PACS1: variants seen among roughly 807,000 people sequenced by gnomAD.
PACS1 encodes the protein phosphofurin acidic cluster sorting protein 1, also known as PACS-1.
PACS1 carries 24 observed loss-of-function variants against 115.0 expected under a neutral mutation model. The observed-to-expected ratio is 0.21, with a 90% CI of 0.15 to 0.29. The LOEUF (loss-of-function observed/expected upper bound fraction) is 0.29. Ranked by LOEUF, PACS1 falls within the 10% of genes least tolerant of loss-of-function variation. PACS1 has a pLI of 1.00. For synonymous variants in PACS1, 453 were observed against 504.5 expected, an observed-to-expected ratio of 0.90 and a Z score of 1.37; for missense variants, 838 against 1,251.2, an observed-to-expected ratio of 0.67 and a Z score of 4.98.
chr11:66,231,988 GCTT>G, intron 13 of PACS1, 181 bp from the exon 14 acceptor site: 1 of 566,360 alleles, frequency 1.8e-6, no homozygotes, highest in Non-Finnish European at 3.2e-6. Context: ...TCGCTTTGCT[GCTT>G]CTTTCTCCTC....
Position 66,070,440 on chromosome 11 carries a change from C to A in PACS1, c.-47C>A. 1.8e-6 allele frequency: 2 copies of A among 1,122,816 alleles called. No homozygotes were observed. The highest frequency in any genetic ancestry group is 2.2e-6 in the Non-Finnish European group (2 of 891,630). 69.6% of individuals were successfully genotyped at this position (1,122,816 alleles called of 1,614,324 possible). ...CGCCGCCGCGGGGGAAGCCTGGGAG[C>A]CAGATCGGCGTCGCCTCGGCCTCCG... On this transcript the variant is annotated 5_prime_UTR_variant, in exon 1 of 24. Transcript: ENST00000320580. The surrounding 1 kb of genome is among the most constrained non-coding windows in gnomAD (Gnocchi z 5.9).
At chr11:66,239,818 C>G (rs545149878) in intron 21 of PACS1, among the ~76,000 whole-genome samples, 3 of 152,344 alleles carry the variant, frequency 2.0e-5, no homozygotes, top group South Asian at 2.1e-4. Context: ...TCAATTTCAT[C>G]TAATGAAAAG....
chr11:66,093,466 TA>T (rs1378407713), intron 1 of PACS1, among the ~76,000 whole-genome samples: 4 of 144,752 alleles, frequency 2.8e-5, no homozygotes, highest in Non-Finnish European at 6.0e-5. Context: ...TACATAATGG[TA>T]AAGGGATCAA....
At chr11:66,147,148 A>G (rs1859144541) in intron 1 of PACS1, among the ~76,000 whole-genome samples, 1 of 152,200 alleles carries the variant, frequency 6.6e-6, no homozygotes, top group African/African-American at 2.4e-5. Flanking sequence ...AACAGTATGA[A>G]TGTTTGCTGA....
chr11:66,193,401 TA>T, intron 1 of PACS1, 84 bp from the exon 2 acceptor site: 1 of 869,528 alleles, frequency 1.2e-6, no homozygotes, highest in Non-Finnish European at 1.9e-6. Flanking sequence ...TTACTTCAGG[TA>T]AGGCAGATTG....
chr11:66,152,009 G>T (rs1322029727), intron 1 of PACS1, among the ~76,000 whole-genome samples: 2 of 152,174 alleles, frequency 1.3e-5, no homozygotes, highest in Admixed American at 1.3e-4. Flanking sequence ...AAGGCAGCAG[G>T]ATCACTTGAG....
chr11:66,120,180 C>T (rs896110691), intron 1 of PACS1, among the ~76,000 whole-genome samples: 1 of 144,106 alleles, frequency 6.9e-6, no homozygotes, highest in East Asian at 2.0e-4. Context: ...CAGAGTCTCG[C>T]TCTGTTGCCC....
rs148876437 is a variant in PACS1 at position 66,187,417 on chromosome 11, C to T, written c.357-6069C>T. 6.1e-3 allele frequency among the ~76,000 whole-genome samples: 926 copies of T among 152,244 alleles called. 11 individuals carry two copies. Among genetic ancestry groups the T allele is most frequent in the African/African-American group, 0.021 (864 of 41,532 alleles). On this transcript the variant is annotated intron_variant, in intron 1 of 23. Transcript: ENST00000320580. ...ACTAGAGCTTATTCCTCCTATCTAGCTGTAATTTTGTACCCTTTAAGAAAT... is the reference window on the plus strand; with the variant it reads ...ACTAGAGCTTATTCCTCCTATCTAGTTGTAATTTTGTACCCTTTAAGAAAT...
Position 66,199,962 on chromosome 11 carries a change from T to C in PACS1, c.444+6389T>C, listed in dbSNP as rs535103177. Among the ~76,000 whole-genome samples, 16 of 151,464 alleles carry C rather than the reference T, an allele frequency of 1.1e-4. No homozygotes were observed. In the South Asian group the frequency reaches 2.3e-3, roughly 22 times the overall value. ...GGAATCTGGGAGGTGGAGGTTGCAG[T>C]GAGCCCAGATTGCACCACTGCACTC... On this transcript the variant is annotated intron_variant, in intron 2 of 23. Coordinates refer to ENST00000320580, the MANE Select transcript of PACS1 (RefSeq NM_018026.4).
intron 1 of PACS1, among the ~76,000 whole-genome samples, chr11:66,090,176 GTGGCTTGGCTTGACTTGACT>G (rs1857635064): frequency 6.6e-6 from 1 of 150,860 alleles, no homozygotes; most frequent in Admixed American, 6.6e-5. Context: ...CTTACAGAAA[GTGGCTTGGCTTGACTTGACT>G]TGGCTTGGCT....
At chr11:66,143,604 G>A (rs1032997596) in intron 1 of PACS1, among the ~76,000 whole-genome samples, 10 of 152,068 alleles carry the variant, frequency 6.6e-5, no homozygotes, top group Admixed American at 2.6e-4. Flanking sequence ...TTTAACATAC[G>A]GTACTTAGTT....
intron 1 of PACS1, chr11:66,121,169 T>A: frequency 2.3e-6 from 1 of 438,972 alleles, no homozygotes; most frequent in South Asian, 1.6e-5. Flanking sequence ...TTTATTATTG[T>A]GTTGGTTACG....
chr11:66,094,649 C>G (rs1387366056), intron 1 of PACS1, among the ~76,000 whole-genome samples: 2 of 152,240 alleles, frequency 1.3e-5, no homozygotes, highest in Non-Finnish European at 2.9e-5. Context: ...CCTTCTGAAA[C>G]TATTCCAATC....
Position 66,229,495 on chromosome 11 carries a change from C to T in PACS1, c.1375-1053C>T, listed in dbSNP as rs184894812. Among the ~76,000 whole-genome samples, 320 of 151,874 alleles carry T rather than the reference C, an allele frequency of 2.1e-3. 7 individuals carry two copies. The East Asian group carries it at 0.053, about 25-fold the overall frequency. On this transcript the variant is annotated intron_variant, in intron 11 of 23. Transcript: ENST00000320580. Reference sequence around the variant, plus strand: ...CGGGCGGATCACGAGGTCAGGAGATCGAGACCATCCTGGCTAACACGTCTC... The same window carrying T: ...CGGGCGGATCACGAGGTCAGGAGATTGAGACCATCCTGGCTAACACGTCTC...
intron 10 of PACS1, among the ~76,000 whole-genome samples, chr11:66,225,926 T>C (rs907399222): frequency 2.0e-5 from 3 of 152,188 alleles, no homozygotes; most frequent in Non-Finnish European, 4.4e-5. Flanking sequence ...CCCAGCACTT[T>C]GGGAGGCTGA....
intron 9 of PACS1, 131 bp from the exon 10 acceptor site, chr11:66,221,023 T>C: frequency 2.1e-6 from 2 of 937,348 alleles, no homozygotes; most frequent in Non-Finnish European, 3.5e-6. Context: ...CACCCTGCAC[T>C]TCCCTGCTCA....
At chr11:66,234,641 C>T (rs1388857153) in intron 17 of PACS1, among the ~76,000 whole-genome samples, 2 of 152,162 alleles carry the variant, frequency 1.3e-5, no homozygotes, top group Non-Finnish European at 2.9e-5. Flanking sequence ...TGGCAGAGGT[C>T]AAGGGCACGG....
In PACS1 at chr11:66,230,270, A is replaced by G. The variant is rs1855561601; in HGVS notation, c.1375-278A>G. The G allele has an allele frequency of 6.4e-6, 3 of 466,246 alleles. No individual in the cohort carries two copies. The Admixed American group carries it at 1.1e-4, about 17-fold the overall frequency. The allele number at this position is 466,246 out of a possible 1,614,324, so 28.9% of individuals were successfully genotyped here. On this transcript the variant is annotated intron_variant, in intron 11 of 23. Coordinates refer to ENST00000320580, the MANE Select transcript of PACS1 (RefSeq NM_018026.4). ...TCCCCTCTTCACTCCTGGAGACAGCAGATCATCAGTCCACTCTTCTTGTGC... is the reference window on the plus strand; with the variant it reads ...TCCCCTCTTCACTCCTGGAGACAGCGGATCATCAGTCCACTCTTCTTGTGC...
At position 66,243,670 on chromosome 11, in the gene PACS1, G is replaced by GC. The variant is rs1178360743; in HGVS notation, c.*392dup. On this transcript the variant is annotated 3_prime_UTR_variant, in exon 24 of 24. Transcript: ENST00000320580. The stretch of plus-strand genomic sequence containing the variant: ...TGGAATCCTGGTCCCCAGCAGGAGA[G>GC]CCTAGTCCTCCCCCAGCCCCTCCAG... 1.0e-5 allele frequency: 2 copies of GC among 198,306 alleles called. No individual in the cohort carries two copies. Among genetic ancestry groups the GC allele is most frequent in the Non-Finnish European group, 2.1e-5 (2 of 95,240 alleles). The allele number at this position is 198,306 out of a possible 1,614,324, so 12.3% of individuals were successfully genotyped here. A position where few individuals can be genotyped will look rare whatever the true frequency, so the allele number is the denominator to read the frequency against.
Sources: gnomAD v4.1 joint callset for allele counts (sites outside exome capture counted in the v4.1 genomes callset) on GRCh38, gnomAD v4.1.1 for gene constraint, Gnocchi (gnomAD v3.1) non-coding constraint, MANE v1.5 for transcripts, NCBI Gene and HGNC (gene_info 2026-07-23, HGNC 2026-07-21) for gene names.